The following TAFA1 variants were observed in gnomAD, a reference collection of about 807,000 sequenced individuals.
The protein encoded by TAFA1 is TAFA chemokine like family member 1, also known as chemokine-like protein TAFA-1.
TAFA1 carries 4 observed loss-of-function variants against 18.5 expected under a neutral mutation model. The observed-to-expected ratio is 0.22, with a 90% confidence interval of 0.11 to 0.49. The LOEUF is 0.49. Among genes scored for constraint, TAFA1 ranks in the 20% least tolerant of loss-of-function variants. The probability of loss-of-function intolerance (pLI) is 0.98; values close to 1 mark genes in which losing one functional copy is unlikely to be tolerated. For missense variants in TAFA1, 147 were observed against 169.0 expected (o/e 0.87, Z 0.72); for synonymous variants, 56 against 55.2 (o/e 1.01, Z -0.06).
rs1031512668 is a variant in TAFA1 at position 68,197,962 on chromosome 3, G to T, written c.118+191218G>T. ...AAGTTCTGTAGGTGCAGATATTTTT[G>T]TCTGTTATGTTTACTACTGTACCCT... is the stretch of plus-strand genomic sequence containing the variant. On this transcript the variant is annotated intron_variant, in intron 2 of 4. Coordinates refer to ENST00000478136, the MANE Select transcript of TAFA1 (RefSeq NM_213609.4). Among the ~76,000 whole-genome samples, 3 of 151,652 alleles carry T rather than the reference G, an allele frequency of 2.0e-5. No homozygotes were observed. The South Asian group carries it at 6.2e-4, about 31-fold the overall frequency.
chr3:68,003,164 T>C (rs1008066643), upstream of TAFA1, among the ~76,000 whole-genome samples: 3 of 152,192 alleles, frequency 2.0e-5, no homozygotes, highest in African/African-American at 7.2e-5. Flanking sequence ...CAAAGAGCTA[T>C]TATGTGTGTT....
intron 2 of TAFA1, among the ~76,000 whole-genome samples, chr3:68,252,061 T>C (rs946087985): frequency 7.2e-5 from 11 of 152,188 alleles, no homozygotes; most frequent in Admixed American, 5.9e-4. Context: ...ATTGCCTTTA[T>C]AAAGACAATG....
chr3:68,079,836 G>A (rs971207855), intron 2 of TAFA1, among the ~76,000 whole-genome samples: 1 of 152,114 alleles, frequency 6.6e-6, no homozygotes, highest in Admixed American at 6.5e-5. Flanking sequence ...GGTCGGCTTG[G>A]TGCAGAGCTG....
chr3:68,328,643 T>C (rs935641207), intron 2 of TAFA1, among the ~76,000 whole-genome samples: 15 of 152,322 alleles, frequency 9.8e-5, no homozygotes, highest in African/African-American at 3.4e-4. Context: ...ACCTATTCAT[T>C]TTTATTATGC....
At chr3:68,035,676 C>G (rs951536213) in intron 2 of TAFA1, among the ~76,000 whole-genome samples, 15 of 152,192 alleles carry the variant, frequency 9.9e-5, no homozygotes, top group Non-Finnish European at 1.9e-4. Flanking sequence ...AATCCCACTT[C>G]TGAGTATTCG....
chr3:68,256,543 C>T (rs898487481), intron 2 of TAFA1, among the ~76,000 whole-genome samples: 1 of 152,212 alleles, frequency 6.6e-6, no homozygotes. Context: ...GGTGCCCACC[C>T]TAAGAGAGAA....
At chr3:68,040,505 T>C (rs1386359953) in intron 2 of TAFA1, among the ~76,000 whole-genome samples, 3 of 152,172 alleles carry the variant, frequency 2.0e-5, no homozygotes, top group Non-Finnish European at 4.4e-5. Flanking sequence ...AAAGTGCCTA[T>C]ATTAATACCG....
intron 2 of TAFA1, among the ~76,000 whole-genome samples, chr3:68,377,612 G>A (rs762201229): frequency 9.9e-5 from 15 of 152,184 alleles, no homozygotes; most frequent in Non-Finnish European, 5.9e-5. Flanking sequence ...GCAGAAATTT[G>A]CATAAGTAAC....
intron 2 of TAFA1, among the ~76,000 whole-genome samples, chr3:68,151,097 CA>C (rs2065801724): frequency 6.6e-6 from 1 of 152,014 alleles, no homozygotes; most frequent in South Asian, 2.1e-4. Flanking sequence ...TTTCACATAA[CA>C]ATGCCACATA....
chr3:68,106,473 T>C (rs2065206104), intron 2 of TAFA1, among the ~76,000 whole-genome samples: 1 of 152,148 alleles, frequency 6.6e-6, no homozygotes, highest in Non-Finnish European at 1.5e-5. Context: ...GACTGGTGAT[T>C]GTTGTGTTGG....
chr3:68,301,524 G>T (rs994764692), intron 2 of TAFA1, among the ~76,000 whole-genome samples: 1 of 152,256 alleles, frequency 6.6e-6, no homozygotes, highest in East Asian at 1.9e-4. Flanking sequence ...TCCAAATGTG[G>T]ACAGTAAACT....
chr3:68,149,921 T>C (rs2065785553), intron 2 of TAFA1, among the ~76,000 whole-genome samples: 1 of 152,164 alleles, frequency 6.6e-6, no homozygotes, highest in Non-Finnish European at 1.5e-5. Context: ...GGGGGCTGGG[T>C]TGTCTGCAAT....
chr3:68,528,418 G>T (rs2073138658), intron 3 of TAFA1, among the ~76,000 whole-genome samples: 1 of 152,144 alleles, frequency 6.6e-6, no homozygotes, highest in African/African-American at 2.4e-5. Flanking sequence ...CTCAAAATTG[G>T]ATCCTATCCT....
intron 2 of TAFA1, among the ~76,000 whole-genome samples, chr3:68,143,513 T>C (rs1054915277): frequency 7.4e-4 from 112 of 152,328 alleles, no homozygotes; most frequent in Non-Finnish European, 2.6e-4. Context: ...ATATTTACTT[T>C]GGGGCCAGAT....
chr3:68,232,219 C>A (rs955656603), intron 2 of TAFA1, among the ~76,000 whole-genome samples: 2 of 152,144 alleles, frequency 1.3e-5, no homozygotes, highest in African/African-American at 4.8e-5. Context: ...TCCTCCTCTC[C>A]CTGCTACTCT....
At chr3:68,327,330 C>G (rs551569049) in intron 2 of TAFA1, among the ~76,000 whole-genome samples, 1 of 152,178 alleles carries the variant, frequency 6.6e-6, no homozygotes, top group East Asian at 1.9e-4. Context: ...GAGACTATTT[C>G]AGAAATTTGA....
chr3:68,386,980 C>T (rs1042534389), intron 2 of TAFA1, among the ~76,000 whole-genome samples: 1 of 152,010 alleles, frequency 6.6e-6, no homozygotes, highest in Non-Finnish European at 1.5e-5. Flanking sequence ...TATACTTGCC[C>T]TACATCTAGA....
intron 2 of TAFA1, among the ~76,000 whole-genome samples, chr3:68,416,617 A>G (rs563685686): frequency 1.3e-5 from 2 of 152,340 alleles, no homozygotes; most frequent in East Asian, 1.9e-4. Flanking sequence ...GTGGAGAGTG[A>G]CATACATTAG....
intron 3 of TAFA1, among the ~76,000 whole-genome samples, chr3:68,509,189 A>G (rs1272882786): frequency 1.3e-5 from 2 of 152,146 alleles, no homozygotes; most frequent in East Asian, 3.9e-4. Context: ...CACTTTGATT[A>G]CCAAAATTGC....
Sources: allele counts gnomAD v4.1 joint callset (sites outside exome capture counted in the v4.1 genomes callset), GRCh38; gene constraint gnomAD v4.1.1; transcripts MANE v1.5; gene names NCBI Gene and HGNC (gene_info 2026-07-23, HGNC 2026-07-21).